The following GRIK2 variants were observed in gnomAD, a reference collection of about 807,000 sequenced individuals.
GRIK2 encodes the protein glutamate ionotropic receptor kainate type subunit 2.
GRIK2 carries 32 observed loss-of-function variants against 100.3 expected under a neutral mutation model. The ratio of observed to expected loss-of-function variants is 0.32; its 90% confidence interval spans 0.24 to 0.43. The LOEUF (loss-of-function observed/expected upper bound fraction) is 0.43. Among genes scored for constraint, GRIK2 ranks in the 20% least tolerant of loss-of-function variants. GRIK2 has a pLI of 1.00. For synonymous variants in GRIK2, 417 were observed against 389.4 expected (o/e 1.07, Z -0.83); for missense variants, 843 against 1,114.9 (o/e 0.76, Z 3.47).
intron 12 of GRIK2, among the ~76,000 whole-genome samples, chr6:101,910,847 A>ACACG (rs1310504774): frequency 1.3e-5 from 2 of 150,602 alleles, no homozygotes; most frequent in Admixed American, 1.3e-4. Context: ...CACCACACAC[A>ACACG]CACACACACA....
chr6:101,521,295 A>T (rs546196743), intron 2 of GRIK2, among the ~76,000 whole-genome samples: 3 of 152,004 alleles, frequency 2.0e-5, no homozygotes, highest in Non-Finnish European at 4.4e-5. Context: ...TTGTGTTTTA[A>T]TAGCAGGTCT....
In GRIK2 at chr6:101,934,110, A is replaced by T. The variant is rs376872456; in HGVS notation, c.2085+5478A>T. 3.9e-5 allele frequency among the ~76,000 whole-genome samples: 6 copies of T among 151,954 alleles called. No individual in the cohort carries two copies. In the East Asian group the frequency reaches 5.8e-4, roughly 15 times the overall value. On this transcript the variant is annotated intron_variant, in intron 14 of 16. Transcript: ENST00000369134. ...CTTCTAAGGAAGGTAGGAAGCAATT[A>T]TCATTATGCTCATTTAACAGATGAG... is the stretch of plus-strand genomic sequence containing the variant.
intron 2 of GRIK2, among the ~76,000 whole-genome samples, chr6:101,537,810 CATCAA>C (rs1775789671): frequency 6.6e-6 from 1 of 151,714 alleles, no homozygotes; most frequent in South Asian, 2.1e-4. Flanking sequence ...ATGCCACTGC[CATCAA>C]ACAAAGCAAT....
At chr6:101,848,569 C>T (rs977495445) in intron 10 of GRIK2, among the ~76,000 whole-genome samples, 1 of 151,852 alleles carries the variant, frequency 6.6e-6, no homozygotes, top group Non-Finnish European at 1.5e-5. Context: ...CGAGGTATTC[C>T]AATATAGATA....
At chr6:101,582,322 G>A (rs1025639745) in intron 2 of GRIK2, among the ~76,000 whole-genome samples, 14 of 152,074 alleles carry the variant, frequency 9.2e-5, no homozygotes, top group African/African-American at 3.1e-4. Flanking sequence ...AACATGTGGT[G>A]TTTGGTTTTC....
chr6:101,584,422 T>TTA (rs1778253467), intron 2 of GRIK2, among the ~76,000 whole-genome samples: 1 of 152,052 alleles, frequency 6.6e-6, no homozygotes, highest in South Asian at 2.1e-4. Context: ...TTCACAGAAC[T>TTA]TATTTTTTTT....
At chr6:101,844,240 A>G (rs144976234) in intron 10 of GRIK2, among the ~76,000 whole-genome samples, 1 of 152,302 alleles carries the variant, frequency 6.6e-6, no homozygotes, top group Non-Finnish European at 1.5e-5. Flanking sequence ...GAGAGATACA[A>G]TAGTCCCCTC....
At chr6:101,410,671 A>G (rs1461122805) in intron 2 of GRIK2, among the ~76,000 whole-genome samples, 3 of 152,160 alleles carry the variant, frequency 2.0e-5, no homozygotes, top group Non-Finnish European at 4.4e-5. Context: ...ATACAATTTT[A>G]TATTTGCAAA....
chr6:102,036,958 T>C (rs1770303401), intron 15 of GRIK2, among the ~76,000 whole-genome samples: 1 of 151,402 alleles, frequency 6.6e-6, no homozygotes, highest in Non-Finnish European at 1.5e-5. Flanking sequence ...CCTTTACTTT[T>C]GCAAATTTGT....
intron 2 of GRIK2, among the ~76,000 whole-genome samples, chr6:101,599,224 T>A (rs992949309): frequency 2.6e-5 from 4 of 151,888 alleles, no homozygotes; most frequent in African/African-American, 9.7e-5. Flanking sequence ...TCTAGCTGTA[T>A]CCGTGCTGCT....
chr6:101,424,166 T>G (rs919948364), intron 2 of GRIK2, among the ~76,000 whole-genome samples: 1 of 151,196 alleles, frequency 6.6e-6, no homozygotes, highest in Admixed American at 6.6e-5. Flanking sequence ...CTTCAGAATT[T>G]TTTTTATTTT....
chr6:101,793,185 T>C (rs1485409043), intron 7 of GRIK2, among the ~76,000 whole-genome samples: 1 of 152,232 alleles, frequency 6.6e-6, no homozygotes. Context: ...AGTTTGATCA[T>C]CTGAAGCCTT....
intron 14 of GRIK2, among the ~76,000 whole-genome samples, chr6:101,964,830 G>T (rs868703628): frequency 6.6e-6 from 1 of 152,174 alleles, no homozygotes. Context: ...GAGTCAGGAG[G>T]ACAGTTCTCT....
chr6:101,453,623 G>C (rs1770835368), intron 2 of GRIK2, among the ~76,000 whole-genome samples: 1 of 151,892 alleles, frequency 6.6e-6, no homozygotes, highest in African/African-American at 2.4e-5. Flanking sequence ...CGTCTTATTA[G>C]TAGTGATACA....
chr6:101,981,813 T>TAA (rs143911241), intron 14 of GRIK2, among the ~76,000 whole-genome samples: 1 of 150,176 alleles, frequency 6.7e-6, no homozygotes, highest in African/African-American at 2.4e-5. Context: ...AAAGTGGAGG[T>TAA]AAAAAAAAAG....
In GRIK2 at chr6:102,004,405, T is replaced by A. The variant is rs371510044; in HGVS notation, c.2086-30936T>A. ...ATAAAGCTTTTAGGATGTTAGAGAG[T>A]GAGGTAGGGGATGCCTCAAAGTACA... On this transcript the variant is annotated intron_variant, in intron 14 of 16. Coordinates refer to ENST00000369134, the MANE Select transcript of GRIK2 (RefSeq NM_021956.5). 5.9e-5 allele frequency among the ~76,000 whole-genome samples: 9 copies of A among 151,294 alleles called. 1 individual carries two copies. The highest frequency in any genetic ancestry group is 2.2e-4 in the African/African-American group (9 of 41,288).
chr6:101,850,596 C>A (rs1278050956), intron 10 of GRIK2, among the ~76,000 whole-genome samples: 3 of 151,830 alleles, frequency 2.0e-5, no homozygotes, highest in Non-Finnish European at 4.4e-5. Flanking sequence ...CATTTTTATA[C>A]CCTCAACCTT....
At chr6:101,675,311 C>CACACAA (rs1370922087) in intron 4 of GRIK2, among the ~76,000 whole-genome samples, 5 of 148,960 alleles carry the variant, frequency 3.4e-5, no homozygotes, top group African/African-American at 5.1e-5. Context: ...ACACACCACA[C>CACACAA]ACACACACAC....
Position 101,404,010 on chromosome 6 carries a change from T to C in GRIK2, c.115+4618T>C, listed in dbSNP as rs1775473553. Among the ~76,000 whole-genome samples, 7 of 152,360 alleles carry C rather than the reference T, an allele frequency of 4.6e-5. No individual in the cohort carries two copies. In the South Asian group the frequency reaches 1.4e-3, roughly 32 times the overall value. On this transcript the variant is annotated intron_variant, in intron 2 of 16. Transcript: ENST00000369134. ...GGCACAATCATTTCAGAAAATGACT[T>C]TGAAAAATGATCTTTTTGTCTTCTA...
Sources: allele counts gnomAD v4.1 joint callset (sites outside exome capture counted in the v4.1 genomes callset), GRCh38; gene constraint gnomAD v4.1.1; transcripts MANE v1.5; gene names NCBI Gene and HGNC (gene_info 2026-07-23, HGNC 2026-07-21).